Variants in NCOA2 observed in about 807,000 individuals in gnomAD.
NCOA2 encodes nuclear receptor coactivator 2.
In NCOA2, 21 loss-of-function variants were observed where a neutral mutation model predicts 145.1. The ratio of observed to expected loss-of-function variants is 0.14; its 90% CI spans 0.10 to 0.21. The LOEUF is 0.21. NCOA2 is among the 10% of genes least tolerant of loss of function. The pLI is 1.00. For synonymous variants in NCOA2, 619 were observed against 637.5 expected (o/e 0.97, Z 0.44); for missense variants, 1,472 against 1,837.6 (o/e 0.80, Z 3.64).
At chr8:70,333,997 G>A (rs980421306) in intron 1 of NCOA2, among the ~76,000 whole-genome samples, 7 of 151,926 alleles carry the variant, frequency 4.6e-5, no homozygotes. Flanking sequence ...AGGTCTTCAT[G>A]CTTTTCACTC....
At chr8:70,259,823 A>G (rs1048646102) in intron 2 of NCOA2, among the ~76,000 whole-genome samples, 1 of 152,252 alleles carries the variant, frequency 6.6e-6, no homozygotes, top group African/African-American at 2.4e-5. Flanking sequence ...TTTGTTATTA[A>G]GAGAGCTCTC....
chr8:70,454,253 A>G, the NCOA2 span, among the ~76,000 whole-genome samples: 1 of 152,240 alleles, frequency 6.6e-6, no homozygotes, highest in African/African-American at 2.4e-5. Flanking sequence ...AAGTTTTCCA[A>G]TAATGAGCTT....
At chr8:70,281,398 A>G (rs1409112927) in intron 2 of NCOA2, among the ~76,000 whole-genome samples, 2 of 151,420 alleles carry the variant, frequency 1.3e-5, no homozygotes, top group Non-Finnish European at 2.9e-5. Flanking sequence ...AATACATTAG[A>G]AATTCCAGGT....
chr8:70,262,147 A>G (rs1187470959), intron 2 of NCOA2, among the ~76,000 whole-genome samples: 1 of 152,194 alleles, frequency 6.6e-6, no homozygotes, highest in Non-Finnish European at 1.5e-5. Flanking sequence ...ATATTTATTG[A>G]GTGCTTATTA....
intron 2 of NCOA2, among the ~76,000 whole-genome samples, chr8:70,234,877 C>A (rs1317429665): frequency 6.6e-6 from 1 of 152,174 alleles, no homozygotes; most frequent in African/African-American, 2.4e-5. Flanking sequence ...ATTAAGAACC[C>A]CTGTTCTATA....
chr8:70,271,814 CAT>C (rs1469640975), intron 2 of NCOA2, among the ~76,000 whole-genome samples: 2 of 152,236 alleles, frequency 1.3e-5, no homozygotes, highest in East Asian at 1.9e-4. Context: ...CCTCAACCCA[CAT>C]GTTTGCAAAC....
chr8:70,183,228 G>T (rs1815683381), intron 4 of NCOA2, among the ~76,000 whole-genome samples: 1 of 152,132 alleles, frequency 6.6e-6, no homozygotes, highest in Admixed American at 6.5e-5. Context: ...AAAAATCAAT[G>T]GGTGTGAAAG....
chr8:70,394,547 T>A (rs1338457236), intron 1 of NCOA2, among the ~76,000 whole-genome samples: 1 of 152,172 alleles, frequency 6.6e-6, no homozygotes, highest in Non-Finnish European at 1.5e-5. Context: ...CTTAAAACAG[T>A]AACAAGAACA....
intron 1 of NCOA2, among the ~76,000 whole-genome samples, chr8:70,315,100 G>C (rs905567435): frequency 6.6e-6 from 1 of 152,186 alleles, no homozygotes; most frequent in Non-Finnish European, 1.5e-5. Flanking sequence ...CAGAAATCAA[G>C]TAAGATACTT....
At chr8:70,446,773 T>C in the NCOA2 span, among the ~76,000 whole-genome samples, 1 of 152,070 alleles carries the variant, frequency 6.6e-6, no homozygotes, top group Non-Finnish European at 1.5e-5. Flanking sequence ...CAACAAGTTA[T>C]ATGAGAAGGA....
At chr8:70,123,767 A>G in intron 21 of NCOA2, 117 bp downstream of exon 21, 1 of 795,380 alleles carries the variant, frequency 1.3e-6, no homozygotes, top group Admixed American at 3.3e-5. Flanking sequence ...AACACTCCTC[A>G]AAGTAAATGT....
At chr8:70,393,808 G>A (rs947279282) in intron 1 of NCOA2, among the ~76,000 whole-genome samples, 13 of 152,192 alleles carry the variant, frequency 8.5e-5, no homozygotes, top group Admixed American at 6.5e-5. Context: ...ATAAACGATC[G>A]TGAGAATGCT....
At chr8:70,275,574 T>G (rs1825403254) in intron 2 of NCOA2, among the ~76,000 whole-genome samples, 1 of 152,126 alleles carries the variant, frequency 6.6e-6, no homozygotes, top group Non-Finnish European at 1.5e-5. Context: ...CTATGTAGTA[T>G]TACTCTAATT....
chr8:70,119,524 A>G (rs1468921146), intron 22 of NCOA2, among the ~76,000 whole-genome samples: 2 of 152,248 alleles, frequency 1.3e-5, no homozygotes, highest in Non-Finnish European at 2.9e-5. Context: ...TAACCACAAG[A>G]GTGCAGGTAT....
intron 6 of NCOA2, 45 bp from the exon 7 acceptor site, chr8:70,166,799 C>G: frequency 6.5e-7 from 1 of 1,531,946 alleles, no homozygotes; most frequent in Non-Finnish European, 9.0e-7. Flanking sequence ...AAACAAACAT[C>G]AGATTCATTG....
chr8:70,204,271 G>A (rs906034197), intron 4 of NCOA2, among the ~76,000 whole-genome samples: 1 of 152,096 alleles, frequency 6.6e-6, no homozygotes, highest in African/African-American at 2.4e-5. Context: ...GCCTCCCAAA[G>A]TGCTGGGATT....
intron 10 of NCOA2, among the ~76,000 whole-genome samples, 181 bp downstream of exon 10, chr8:70,159,324 A>C (rs1585890484): frequency 6.8e-6 from 1 of 147,422 alleles, no homozygotes; most frequent in Non-Finnish European, 1.5e-5. Context: ...CAGAGGGCCA[A>C]TTATATTATG....
Position 70,144,857 on chromosome 8 carries a change from A to G in NCOA2, c.2606-9T>C. On this transcript the variant is annotated splice_polypyrimidine_tract_variant and intron_variant, in intron 12 of 22. Transcript: ENST00000452400. ...TCGTGGGTTATTAAAAGCTAAGGAG[A>G]AAACAAATGAAAATTGAAGGTTAAT... 1 of 1,610,114 alleles carries G rather than the reference A, an allele frequency of 6.2e-7. No homozygotes were observed. Among genetic ancestry groups the G allele is most frequent in the Non-Finnish European group, 8.5e-7 (1 of 1,176,318 alleles).
chr8:70,254,650 TTAAG>T (rs1327202344), intron 2 of NCOA2, among the ~76,000 whole-genome samples: 1 of 143,810 alleles, frequency 7.0e-6, no homozygotes, highest in African/African-American at 2.6e-5. Flanking sequence ...AGTCAAATCT[TTAAG>T]TAGCTACAGC....
Sources: allele counts gnomAD v4.1 joint callset (sites outside exome capture counted in the v4.1 genomes callset), GRCh38; gene constraint gnomAD v4.1.1; transcripts MANE v1.5; gene names NCBI Gene and HGNC (gene_info 2026-07-23, HGNC 2026-07-21).